ATOSA: variants seen among roughly 807,000 people sequenced by gnomAD.
The protein encoded by ATOSA is atos homolog A.
the ATOSA span, among the ~76,000 whole-genome samples, chr15:52,638,424 G>A: frequency 3.9e-5 from 6 of 152,012 alleles, no homozygotes; most frequent in South Asian, 2.1e-4. Flanking sequence ...GTACCACTGT[G>A]GGCCGGGCAC....
the ATOSA span, among the ~76,000 whole-genome samples, chr15:52,622,197 GAA>G: frequency 2.0e-5 from 3 of 152,142 alleles, no homozygotes; most frequent in Non-Finnish European, 4.4e-5. Flanking sequence ...TGGCATTTGT[GAA>G]GACACACACA....
the ATOSA span, among the ~76,000 whole-genome samples, chr15:52,623,031 T>C: frequency 6.6e-6 from 1 of 151,752 alleles, no homozygotes; most frequent in Non-Finnish European, 1.5e-5. Flanking sequence ...GTGTAACATG[T>C]GCCTGTGGTT....
the ATOSA span, among the ~76,000 whole-genome samples, chr15:52,663,841 A>G: frequency 6.6e-5 from 10 of 152,060 alleles, no homozygotes; most frequent in Admixed American, 1.3e-4. Flanking sequence ...ACCCAGGCTC[A>G]TCTTGAACTC....
At chr15:52,600,442 C>T in the ATOSA span, among the ~76,000 whole-genome samples, 1 of 152,070 alleles carries the variant, frequency 6.6e-6, no homozygotes, top group Admixed American at 6.6e-5. Flanking sequence ...CAAGCCAAGG[C>T]ACAATATTAT....
the ATOSA span, among the ~76,000 whole-genome samples, chr15:52,691,013 TA>T: frequency 6.6e-6 from 1 of 152,296 alleles, no homozygotes; most frequent in East Asian, 1.9e-4. Flanking sequence ...TTAGACCAAC[TA>T]AAATTAAGAA....
the ATOSA span, chr15:52,600,236 C>A: frequency 6.3e-7 from 1 of 1,577,318 alleles, no homozygotes; most frequent in Non-Finnish European, 8.7e-7. Flanking sequence ...TGGTCGAGGA[C>A]TATTAGAAAA....
At chr15:52,602,127 C>T in the ATOSA span, among the ~76,000 whole-genome samples, 2 of 152,204 alleles carry the variant, frequency 1.3e-5, no homozygotes, top group Non-Finnish European at 2.9e-5. Context: ...CCCTTTTGTG[C>T]TTCATTCTAG....
At chr15:52,645,549 A>G in the ATOSA span, among the ~76,000 whole-genome samples, 1 of 152,314 alleles carries the variant, frequency 6.6e-6, no homozygotes, top group African/African-American at 2.4e-5. Flanking sequence ...ACATCAGAGA[A>G]AGCTCCCAGT....
At chr15:52,591,471 A>G in the ATOSA span, among the ~76,000 whole-genome samples, 1 of 152,138 alleles carries the variant, frequency 6.6e-6, no homozygotes. Flanking sequence ...GCCTCAGGCG[A>G]TCTGCCAGCT....
At chr15:52,649,082 T>A in the ATOSA span, among the ~76,000 whole-genome samples, 1 of 152,128 alleles carries the variant, frequency 6.6e-6, no homozygotes, top group South Asian at 2.1e-4. Flanking sequence ...TTTGATACTA[T>A]AACATCTGAA....
chr15:52,673,083 T>G, the ATOSA span, among the ~76,000 whole-genome samples: 1 of 152,250 alleles, frequency 6.6e-6, no homozygotes, highest in Non-Finnish European at 1.5e-5. Flanking sequence ...ACTGGTTTCT[T>G]CTTTAGAAAA....
At chr15:52,693,147 C>T in the ATOSA span, among the ~76,000 whole-genome samples, 4 of 151,932 alleles carry the variant, frequency 2.6e-5, no homozygotes, top group African/African-American at 9.7e-5. Flanking sequence ...GGGCCAGGTG[C>T]GGTGGCTCAT....
the ATOSA span, among the ~76,000 whole-genome samples, chr15:52,670,378 C>T: frequency 5.3e-5 from 8 of 152,076 alleles, no homozygotes; most frequent in Admixed American, 1.3e-4. Context: ...TTAAGGTTGA[C>T]GGTATTAGAG....
At chr15:52,701,067 G>A in the ATOSA span, among the ~76,000 whole-genome samples, 1 of 152,190 alleles carries the variant, frequency 6.6e-6, no homozygotes, top group Admixed American at 6.5e-5. Flanking sequence ...GAAGGGGAGA[G>A]AGACTATTCC....
chr15:52,596,786 T>TA, the ATOSA span, among the ~76,000 whole-genome samples: 2 of 152,226 alleles, frequency 1.3e-5, no homozygotes, highest in South Asian at 4.1e-4. Flanking sequence ...AATGTTTTTT[T>TA]AGATTCAACA....
the ATOSA span, chr15:52,590,910 T>C: frequency 6.6e-6 from 1 of 152,228 alleles, no homozygotes; most frequent in African/African-American, 2.4e-5. Context: ...CTCAAAAGCA[T>C]AGATTAAATT....
At chr15:52,707,228 AG>A in the ATOSA span, among the ~76,000 whole-genome samples, 6 of 152,238 alleles carry the variant, frequency 3.9e-5, no homozygotes, top group African/African-American at 1.4e-4. Flanking sequence ...GATGCGGAGC[AG>A]GGTATTTACA....
the ATOSA span, among the ~76,000 whole-genome samples, chr15:52,693,561 C>G: frequency 1.3e-5 from 2 of 151,968 alleles, no homozygotes; most frequent in African/African-American, 4.8e-5. Flanking sequence ...GGATAGAGGT[C>G]CATTCACAAA....
the ATOSA span, chr15:52,609,827 T>C: frequency 1.9e-6 from 3 of 1,613,644 alleles, no homozygotes; most frequent in East Asian, 6.7e-5. Context: ...AAAGAGCCTA[T>C]TAAAGGGTTA....
Sources: allele counts gnomAD v4.1 joint callset (sites outside exome capture counted in the v4.1 genomes callset), GRCh38; gene constraint gnomAD v4.1.1; transcripts MANE v1.5; gene names NCBI Gene and HGNC (gene_info 2026-07-23, HGNC 2026-07-21).